The following TOGARAM2 variants were observed in gnomAD, a reference collection of about 807,000 sequenced individuals.
TOGARAM2 encodes the protein TOG array regulator of axonemal microtubules protein 2.
Under a neutral mutation model 93.3 loss-of-function variants are expected in TOGARAM2, and 85 were observed. The ratio of observed to expected loss-of-function variants is 0.91; its 90% CI spans 0.76 to 1.09. TOGARAM2 has a LOEUF of 1.09. TOGARAM2 is among the 50% of genes least tolerant of loss of function. The pLI is 0.00. For missense variants in TOGARAM2, 1,277 were observed against 1,334.5 expected (o/e 0.96, Z 0.67); for synonymous variants, 593 against 552.8 (o/e 1.07, Z -1.02).
Position 29,033,054 on chromosome 2 carries a change from G to C in TOGARAM2, c.2130+3G>C, listed in dbSNP as rs750245578. On this transcript the variant is annotated splice_donor_region_variant and intron_variant, in intron 15 of 19. Coordinates refer to ENST00000379558, the MANE Select transcript of TOGARAM2 (RefSeq NM_199280.4). Reference sequence around the variant, plus strand: ...TCATGGCGGCCATTAAACAGCAGGTGAGCTGTGGGGCATAAGTGGGTCATG... The same window carrying C: ...TCATGGCGGCCATTAAACAGCAGGTCAGCTGTGGGGCATAAGTGGGTCATG... 6.2e-7 allele frequency: 1 copy of C among 1,611,436 alleles called. No individual in the cohort carries two copies. The highest frequency in any genetic ancestry group is 8.5e-7 in the Non-Finnish European group (1 of 1,178,380).
At chr2:29,044,724 T>A (rs930398330) in intron 18 of TOGARAM2, among the ~76,000 whole-genome samples, 2 of 151,992 alleles carry the variant, frequency 1.3e-5, no homozygotes, top group African/African-American at 4.8e-5. Flanking sequence ...GTTACATAGA[T>A]GATATCAGTA....
At chr2:28,999,557 C>T in intron 4 of TOGARAM2, 89 bp downstream of exon 4, 2 of 1,427,778 alleles carry the variant, frequency 1.4e-6, no homozygotes, top group Non-Finnish European at 1.9e-6. Context: ...AGCAGGCTTC[C>T]AGGTGGCATG....
At chr2:29,026,345 C>T (rs75184749) in intron 13 of TOGARAM2, among the ~76,000 whole-genome samples, 5,856 of 152,202 alleles carry the variant, frequency 0.038, 161 homozygotes, top group East Asian at 0.11. Flanking sequence ...TCAAGGGAGA[C>T]AGATAACCTG....
intron 18 of TOGARAM2, among the ~76,000 whole-genome samples, chr2:29,042,545 G>GA (rs1356029537): frequency 6.6e-6 from 1 of 152,020 alleles, no homozygotes; most frequent in Non-Finnish European, 1.5e-5. Flanking sequence ...AAGAACACTC[G>GA]GGGGGGCTAC....
intron 8 of TOGARAM2, among the ~76,000 whole-genome samples, chr2:29,015,780 T>C (rs891927173): frequency 1.3e-5 from 2 of 152,178 alleles, no homozygotes; most frequent in African/African-American, 4.8e-5. Flanking sequence ...GGCTCTTTTT[T>C]GGTCCTGCCT....
chr2:29,033,436 T>G lies in TOGARAM2; in HGVS notation c.2131-33T>G, dbSNP rs780275641. 14 of 1,589,762 alleles carry G rather than the reference T, an allele frequency of 8.8e-6. No individual in the cohort carries two copies. In the South Asian group the frequency reaches 1.6e-4, roughly 18 times the overall value. On this transcript the variant is annotated intron_variant, in intron 15 of 19. Transcript: ENST00000379558. ...TGGCATTTCCCTGGAGGGCCACTCC[T>G]TTTGGCTCATGCTCTGTGTGTATTT... is the stretch of plus-strand genomic sequence containing the variant.
At chr2:29,005,439 G>C (rs1375806640) in intron 6 of TOGARAM2, among the ~76,000 whole-genome samples, 4 of 149,234 alleles carry the variant, frequency 2.7e-5, no homozygotes, top group Admixed American at 2.0e-4. Context: ...ATGTGCGTGA[G>C]TGCATGTATG....
At chr2:29,022,371 C>A in intron 11 of TOGARAM2, 63 bp downstream of exon 11, 2 of 1,579,490 alleles carry the variant, frequency 1.3e-6, no homozygotes, top group Non-Finnish European at 1.7e-6. Flanking sequence ...TGCAGAATAG[C>A]TTCTGCCCCT....
chr2:28,957,025 A>C (rs1671728260), intron 1 of TOGARAM2, among the ~76,000 whole-genome samples: 1 of 151,428 alleles, frequency 6.6e-6, no homozygotes, highest in Admixed American at 6.6e-5. Context: ...AATTGCTTGA[A>C]TCCGGGAGGC....
At position 29,045,639 on chromosome 2, in the gene TOGARAM2, T is replaced by C. The variant is rs548857639; in HGVS notation, c.2722+229T>C. 2.1e-5 allele frequency: 11 copies of C among 532,616 alleles called. No individual in the cohort carries two copies. In the Admixed American group the frequency reaches 3.5e-4, roughly 17 times the overall value. 33.0% of individuals were successfully genotyped at this position (532,616 alleles called of 1,614,324 possible). A position where few individuals can be genotyped will look rare whatever the true frequency, so the allele number is the denominator to read the frequency against. On this transcript the variant is annotated intron_variant, in intron 19 of 19. Transcript: ENST00000379558. ...GTTTGTACAAAAGCAAAAGTGTTTTTAAAAAACTGTTACAGGTTGAATCTC... is the reference window on the plus strand; with the variant it reads ...GTTTGTACAAAAGCAAAAGTGTTTTCAAAAAACTGTTACAGGTTGAATCTC...
At chr2:28,969,377 A>G (rs1356611146) in intron 1 of TOGARAM2, among the ~76,000 whole-genome samples, 3 of 152,234 alleles carry the variant, frequency 2.0e-5, no homozygotes, top group Non-Finnish European at 4.4e-5. Flanking sequence ...TGAGTGCTAC[A>G]GTGGAGTCAG....
In TOGARAM2 at chr2:28,999,263, C is replaced by G. The variant is rs1673154477; in HGVS notation, c.222C>G (p.Gly74=). The change falls in exon 4 of 20, where the codon GGC becomes GGG. Residue 74 remains glycine (G), a synonymous_variant. Coordinates refer to ENST00000379558, the MANE Select transcript of TOGARAM2 (RefSeq NM_199280.4). The stretch of plus-strand genomic sequence containing the variant: ...TGCGTGGACTCGGACAGCTGGGTGG[C>G]CTCAAGCTGGACACCCCTTCCAAGG... ...QLLRGLGQLG[G]LKLDTPSKGW... is the part of the protein sequence containing the mutation. 11 of 1,613,790 alleles carry G rather than the reference C, an allele frequency of 6.8e-6. No homozygotes were observed. The highest frequency in any genetic ancestry group is 2.7e-5 in the African/African-American group (2 of 74,928).
chr2:28,990,699 T>C lies in TOGARAM2; in HGVS notation c.-110-4026T>C, dbSNP rs554475347. ...CAGTATGGAGGGTATCCCTGAGTGC[T>C]CATCTCTGTAGCAGGGTTACTTTGT... On this transcript the variant is annotated intron_variant, in intron 1 of 19. Coordinates refer to ENST00000379558, the MANE Select transcript of TOGARAM2 (RefSeq NM_199280.4). Among the ~76,000 whole-genome samples the C allele has an allele frequency of 6.6e-5, 10 of 152,240 alleles. No homozygotes were observed. The East Asian group carries it at 9.7e-4, about 15-fold the overall frequency.
At chr2:28,973,341 C>A (rs1671974610) in intron 1 of TOGARAM2, among the ~76,000 whole-genome samples, 1 of 140,472 alleles carries the variant, frequency 7.1e-6, no homozygotes, top group African/African-American at 2.7e-5. Flanking sequence ...CTTAGCCCCT[C>A]CCTTCCTTCC....
chr2:28,987,868 C>T (rs375535223), intron 1 of TOGARAM2, among the ~76,000 whole-genome samples: 1 of 152,246 alleles, frequency 6.6e-6, no homozygotes, highest in African/African-American at 2.4e-5. Context: ...TGCTGGCCCC[C>T]ACATGCCAGT....
At chr2:29,025,735 C>G (rs568687379) in intron 13 of TOGARAM2, among the ~76,000 whole-genome samples, 2 of 152,282 alleles carry the variant, frequency 1.3e-5, no homozygotes, top group African/African-American at 4.8e-5. Context: ...CACAGAGGCC[C>G]TTAGAAAGAG....
intron 1 of TOGARAM2, among the ~76,000 whole-genome samples, chr2:28,983,930 C>T (rs1672344031): frequency 6.6e-6 from 1 of 152,070 alleles, no homozygotes; most frequent in South Asian, 2.1e-4. Flanking sequence ...GCCATTCTTC[C>T]TCACCTCTTT....
rs1276321918 is a variant in TOGARAM2, at chr2:29,017,190, A to G, written c.1081A>G (p.Met361Val). The G allele has an allele frequency of 6.2e-7, 1 of 1,613,930 alleles. No individual in the cohort carries two copies. The highest frequency in any genetic ancestry group is 2.2e-5 in the East Asian group (1 of 44,866). Residue 361 changes from methionine (M) to valine (V), a missense_variant, in exon 9 of 20, where the codon ATG becomes GTG. Coordinates refer to ENST00000379558, the MANE Select transcript of TOGARAM2 (RefSeq NM_199280.4). ...VTISKSAREK[M>V]QLKQMKEMEL... is the part of the protein sequence containing the mutation. ...CATCTCCAAGTCTGCCCGGGAGAAGATGCAGCTGAAGCAGATGAAGGAGAT... is the reference window on the plus strand; with the variant it reads ...CATCTCCAAGTCTGCCCGGGAGAAGGTGCAGCTGAAGCAGATGAAGGAGAT...
In TOGARAM2 at chr2:29,002,560, C is replaced by T; in HGVS notation, c.452C>T (p.Pro151Leu). 6.2e-7 allele frequency: 1 copy of T among 1,613,788 alleles called. No homozygotes were observed. The highest frequency in any genetic ancestry group is 8.5e-7 in the Non-Finnish European group (1 of 1,179,834). ...GCCTCTCTGGATCCAGGGGGAGGCC[C>T]CCAAGGAGTTCCCCTGCACAGCACC... ...SRASLDPGGG[P>L]QGVPLHSTIP... Residue 151 changes from proline to leucine, a missense_variant, in exon 5 of 20, where the codon CCC becomes CTC. Coordinates refer to ENST00000379558, the MANE Select transcript of TOGARAM2 (RefSeq NM_199280.4).
Sources: gnomAD v4.1 joint callset for allele counts (sites outside exome capture counted in the v4.1 genomes callset) on GRCh38, gnomAD v4.1.1 for gene constraint, MANE v1.5 for transcripts, NCBI Gene and HGNC (gene_info 2026-07-23, HGNC 2026-07-21) for gene names.